Variants in SPIDR observed in about 807,000 individuals in gnomAD.
The protein encoded by SPIDR is DNA repair-scaffolding protein.
Under a neutral mutation model 104.6 loss-of-function variants are expected in SPIDR, and 93 were observed. The ratio of observed to expected loss-of-function variants is 0.89; its 90% CI spans 0.75 to 1.06. The LOEUF (loss-of-function observed/expected upper bound fraction) is 1.06. Ranked by LOEUF, SPIDR falls within the 50% of genes least tolerant of loss-of-function variation. SPIDR has a pLI of 0.00. For synonymous variants in SPIDR, 431 were observed against 416.9 expected (o/e 1.03, Z -0.41); for missense variants, 1,154 against 1,111.2 (o/e 1.04, Z -0.55).
At chr8:47,713,240 A>C (rs1272848460) in intron 15 of SPIDR, 2 of 594,210 alleles carry the variant, frequency 3.4e-6, no homozygotes, top group Admixed American at 3.2e-5. Flanking sequence ...TTTAATTTTT[A>C]TTGAGTCATA....
At chr8:47,597,499 C>G (rs1280157836) in intron 9 of SPIDR, among the ~76,000 whole-genome samples, 1 of 152,156 alleles carries the variant, frequency 6.6e-6, no homozygotes, top group Non-Finnish European at 1.5e-5. Flanking sequence ...AATTTTTCGT[C>G]TCCATCATAG....
At chr8:47,649,823 G>C (rs1293240922) in intron 10 of SPIDR, among the ~76,000 whole-genome samples, 2 of 152,020 alleles carry the variant, frequency 1.3e-5, no homozygotes, top group African/African-American at 4.8e-5. Flanking sequence ...CAATAAATAT[G>C]ATACATCACA....
At chr8:47,570,310 G>A (rs1309697954) in intron 8 of SPIDR, among the ~76,000 whole-genome samples, 1 of 152,154 alleles carries the variant, frequency 6.6e-6, no homozygotes, top group African/African-American at 2.4e-5. Context: ...ATCATTCAAG[G>A]GGGAAAGAAT....
chr8:47,288,215 G>A (rs1004281033), intron 3 of SPIDR, among the ~76,000 whole-genome samples: 5 of 151,394 alleles, frequency 3.3e-5, no homozygotes, highest in African/African-American at 9.7e-5. Flanking sequence ...CCTTATTAAC[G>A]GTAGTAATTT....
chr8:47,527,190 C>T (rs907215090), intron 8 of SPIDR, among the ~76,000 whole-genome samples: 2 of 152,084 alleles, frequency 1.3e-5, no homozygotes. Context: ...AACAGTATAC[C>T]GGAGCATTCA....
rs985340159 is a variant in SPIDR, at chr8:47,707,934, C to T, written c.1978-4728C>T. Among the ~76,000 whole-genome samples, 14 of 152,092 alleles carry T rather than the reference C, an allele frequency of 9.2e-5. 1 individual carries two copies. Among genetic ancestry groups the T allele is most frequent in the Admixed American group, 5.9e-4 (9 of 15,266 alleles). ...TTGTGTGGGAGAGATCTATTTTTTCCTGATAAATTTGCATTGGTAATATTT... is the reference window on the plus strand; with the variant it reads ...TTGTGTGGGAGAGATCTATTTTTTCTTGATAAATTTGCATTGGTAATATTT... On this transcript the variant is annotated intron_variant, in intron 14 of 19. Coordinates refer to ENST00000297423, the MANE Select transcript of SPIDR (RefSeq NM_001080394.4).
intron 14 of SPIDR, among the ~76,000 whole-genome samples, chr8:47,706,641 G>GTTTTT (rs2081134267): frequency 2.0e-5 from 3 of 152,040 alleles, no homozygotes; most frequent in Admixed American, 6.6e-5. Context: ...CCTAGCGCTG[G>GTTTTT]CAACCACTCA....
At chr8:47,624,965 G>T (rs2065813358) in intron 10 of SPIDR, among the ~76,000 whole-genome samples, 1 of 152,168 alleles carries the variant, frequency 6.6e-6, no homozygotes, top group African/African-American at 2.4e-5. Flanking sequence ...TGTCCTTGAT[G>T]AACATTGATG....
At chr8:47,685,497 A>T (rs1228226824) in intron 11 of SPIDR, among the ~76,000 whole-genome samples, 39 of 113,186 alleles carry the variant, frequency 3.4e-4, no homozygotes, top group Admixed American at 7.7e-4. Flanking sequence ...TTATTTATTT[A>T]TTTATTTATT....
chr8:47,650,356 T>G lies in SPIDR; in HGVS notation c.1545-23445T>G, dbSNP rs117491297. ...TCAAGAACCCAGTCTTTCTTAACAA[T>G]AGCTGCAAAAATTAGAATAAAATAC... On this transcript the variant is annotated intron_variant, in intron 10 of 19. Coordinates refer to ENST00000297423, the MANE Select transcript of SPIDR (RefSeq NM_001080394.4). Among the ~76,000 whole-genome samples, 575 of 152,162 alleles carry G rather than the reference T, an allele frequency of 3.8e-3. 2 individuals carry two copies. Among genetic ancestry groups the G allele is most frequent in the Non-Finnish European group, 6.1e-3 (413 of 67,992 alleles).
chr8:47,644,898 C>T lies in SPIDR; in HGVS notation c.1545-28903C>T, dbSNP rs369472117. On this transcript the variant is annotated intron_variant, in intron 10 of 19. Transcript: ENST00000297423. Reference sequence around the variant, plus strand: ...CAGCCACGAAAAGCTCCAGGAGACACACTTTCCATGCAAAGACACCAGCTA... The same window carrying T: ...CAGCCACGAAAAGCTCCAGGAGACATACTTTCCATGCAAAGACACCAGCTA... Among the ~76,000 whole-genome samples, 3 of 152,286 alleles carry T rather than the reference C, an allele frequency of 2.0e-5. 1 individual carries two copies. The South Asian group carries it at 6.2e-4, about 32-fold the overall frequency.
At chr8:47,457,096 A>C (rs1554710290) in intron 8 of SPIDR, among the ~76,000 whole-genome samples, 1 of 152,124 alleles carries the variant, frequency 6.6e-6, no homozygotes, top group East Asian at 1.9e-4. Context: ...TCCTGTAACA[A>C]CTTCTTTTCC....
chr8:47,599,287 T>TTAGCTGCA, intron 10 of SPIDR, 91 bp downstream of exon 10: 1 of 1,515,260 alleles, frequency 6.6e-7, no homozygotes, highest in Non-Finnish European at 8.9e-7. Context: ...GAGCACGTTC[T>TTAGCTGCA]TAGCTGCATT....
intron 16 of SPIDR, among the ~76,000 whole-genome samples, chr8:47,719,013 G>A (rs1489986759): frequency 6.6e-6 from 1 of 152,172 alleles, no homozygotes; most frequent in Non-Finnish European, 1.5e-5. Context: ...ATACTGAGGT[G>A]AGGTGGTGAG....
intron 5 of SPIDR, among the ~76,000 whole-genome samples, chr8:47,322,064 G>A (rs2046735630): frequency 1.3e-5 from 2 of 152,156 alleles, no homozygotes; most frequent in African/African-American, 4.8e-5. Flanking sequence ...AACACCAAAA[G>A]CAATGGCAAC....
chr8:47,502,336 C>G (rs2080638539), intron 8 of SPIDR, among the ~76,000 whole-genome samples: 2 of 152,144 alleles, frequency 1.3e-5, no homozygotes, highest in Non-Finnish European at 2.9e-5. Context: ...TTGGTCTATT[C>G]AGAGATTCAA....
intron 5 of SPIDR, among the ~76,000 whole-genome samples, chr8:47,303,317 GA>G (rs2042539275): frequency 6.6e-6 from 1 of 152,216 alleles, no homozygotes; most frequent in Admixed American, 6.5e-5. Context: ...GGGTTGGAGT[GA>G]CCCGATTTTC....
At chr8:47,548,176 A>T (rs1363136913) in intron 8 of SPIDR, among the ~76,000 whole-genome samples, 3 of 152,204 alleles carry the variant, frequency 2.0e-5, no homozygotes, top group Admixed American at 2.0e-4. Context: ...GATAAGAAAA[A>T]GTAGCTTTTG....
intron 1 of SPIDR, among the ~76,000 whole-genome samples, chr8:47,267,122 A>T (rs1383302648): frequency 2.0e-5 from 3 of 152,136 alleles, no homozygotes; most frequent in African/African-American, 7.2e-5. Flanking sequence ...TGAAAAATCC[A>T]TTTATTAGTT....
Sources: gnomAD v4.1 joint callset for allele counts (sites outside exome capture counted in the v4.1 genomes callset) on GRCh38, gnomAD v4.1.1 for gene constraint, MANE v1.5 for transcripts, NCBI Gene and HGNC (gene_info 2026-07-23, HGNC 2026-07-21) for gene names.